Variants in GABRG3 observed in about 807,000 individuals in gnomAD.
GABRG3 encodes the protein gamma-aminobutyric acid receptor subunit gamma-3.
A neutral mutation model predicts 48.8 loss-of-function variants in GABRG3; 25 were observed. The observed-to-expected ratio is 0.51, with a 90% CI of 0.37 to 0.72. GABRG3 has a LOEUF of 0.72. Among genes scored for constraint, GABRG3 ranks in the 30% least tolerant of loss-of-function variants. GABRG3 has a pLI of 0.00. For missense variants in GABRG3, 394 were observed against 577.9 expected (o/e 0.68, Z 3.26); for synonymous variants, 227 against 217.6 (o/e 1.04, Z -0.38).
chr15:27,314,940 G>T (rs1422998426), intron 3 of GABRG3, among the ~76,000 whole-genome samples: 2 of 152,104 alleles, frequency 1.3e-5, no homozygotes, highest in Admixed American at 1.3e-4. Flanking sequence ...TGAGCATAAA[G>T]CCTCAATTAT....
intron 3 of GABRG3, among the ~76,000 whole-genome samples, chr15:27,032,850 G>A (rs1375634210): frequency 6.6e-6 from 1 of 152,148 alleles, no homozygotes; most frequent in East Asian, 1.9e-4. Flanking sequence ...TTGCCTCTCT[G>A]TAGGTCTGAG....
At chr15:27,020,709 G>C (rs1339712053) in intron 2 of GABRG3, among the ~76,000 whole-genome samples, 1 of 152,012 alleles carries the variant, frequency 6.6e-6, no homozygotes, top group African/African-American at 2.4e-5. Flanking sequence ...GAGCCACCGC[G>C]CCCGGCCTGT....
intron 3 of GABRG3, among the ~76,000 whole-genome samples, chr15:27,126,548 A>C (rs1348144237): frequency 6.6e-6 from 1 of 152,112 alleles, no homozygotes; most frequent in Non-Finnish European, 1.5e-5. Context: ...GGGGGAGGCC[A>C]TGGGTTTTCC....
intron 6 of GABRG3, among the ~76,000 whole-genome samples, chr15:27,505,016 T>C (rs1890729313): frequency 6.6e-6 from 1 of 152,196 alleles, no homozygotes; most frequent in African/African-American, 2.4e-5. Flanking sequence ...TAAACTACAG[T>C]CTCTATTCAG....
intron 6 of GABRG3, among the ~76,000 whole-genome samples, chr15:27,496,859 T>C (rs2150851931): frequency 6.6e-6 from 1 of 152,368 alleles, no homozygotes; most frequent in East Asian, 1.9e-4. Flanking sequence ...TGTTTATGCT[T>C]TGTCTCTGTT....
At chr15:27,317,387 C>G (rs112731501) in intron 3 of GABRG3, among the ~76,000 whole-genome samples, 1 of 152,162 alleles carries the variant, frequency 6.6e-6, no homozygotes, top group Non-Finnish European at 1.5e-5. Flanking sequence ...CCAATGTAGT[C>G]GTGGCCTTCT....
chr15:27,252,942 C>CT (rs1005668765), intron 3 of GABRG3, among the ~76,000 whole-genome samples: 2 of 152,358 alleles, frequency 1.3e-5, no homozygotes, highest in African/African-American at 4.8e-5. Flanking sequence ...TGACAGCTTA[C>CT]TTGAGGTCCA....
chr15:27,537,787 G>A lies in GABRG3; in HGVS notation c.*4906G>A, dbSNP rs1055182348. On this transcript the variant is annotated 3_prime_UTR_variant, in exon 10 of 10. Transcript: ENST00000615808. ...TGATCTAGTTGTATTAAGGCCAAAA[G>A]GCAGACTTTCTTTATATTTATTTTT... 6.6e-6 allele frequency: 1 copy of A among 150,844 alleles called. No homozygotes were observed. Among genetic ancestry groups the A allele is most frequent in the Non-Finnish European group, 1.5e-5 (1 of 67,728 alleles). The allele number at this position is 150,844 out of a possible 1,614,324, so 9.3% of individuals were successfully genotyped here. A position where few individuals can be genotyped will look rare whatever the true frequency, so the allele number is the denominator to read the frequency against.
At chr15:27,293,946 G>T in intron 3 of GABRG3, among the ~76,000 whole-genome samples, 1 of 152,230 alleles carries the variant, frequency 6.6e-6, no homozygotes, top group African/African-American at 2.4e-5. Context: ...AATAAGAAAA[G>T]TATAAGGTAT....
At chr15:27,165,190 G>A (rs184037731) in intron 3 of GABRG3, among the ~76,000 whole-genome samples, 29 of 152,104 alleles carry the variant, frequency 1.9e-4, no homozygotes, top group African/African-American at 7.0e-4. Flanking sequence ...TTTCCTTTTT[G>A]CCTGATATGA....
chr15:27,384,255 G>C (rs1309810111), intron 5 of GABRG3, among the ~76,000 whole-genome samples: 1 of 152,108 alleles, frequency 6.6e-6, no homozygotes, highest in African/African-American at 2.4e-5. Context: ...GATGGCTCAG[G>C]CTTCCAAGTT....
intron 5 of GABRG3, among the ~76,000 whole-genome samples, chr15:27,409,174 T>C (rs77693576): frequency 0.062 from 9,468 of 152,248 alleles, 320 homozygotes; most frequent in Middle Eastern, 0.13. Context: ...TACCTAAAAA[T>C]TCATTGTCTA....
intron 3 of GABRG3, among the ~76,000 whole-genome samples, chr15:27,085,833 T>C (rs1897066026): frequency 6.6e-6 from 1 of 152,220 alleles, no homozygotes; most frequent in Non-Finnish European, 1.5e-5. Context: ...CATATTATTT[T>C]AGTATACTGA....
rs140430697 is a variant in GABRG3, at chr15:27,400,418, C to T, written c.574+71530C>T. ...CAATTAATTTATCTGCTTTAAAATA[C>T]TGTCTTACAATGACTAAAATGCTGC... On this transcript the variant is annotated intron_variant, in intron 5 of 9. Transcript: ENST00000615808. Among the ~76,000 whole-genome samples, 322 of 152,340 alleles carry T rather than the reference C, an allele frequency of 2.1e-3. 4 individuals carry two copies. The highest frequency in any genetic ancestry group is 0.014 in the Admixed American group (220 of 15,298).
intron 6 of GABRG3, chr15:27,483,157 G>T (rs911738405): frequency 6.6e-6 from 1 of 152,162 alleles, no homozygotes; most frequent in African/African-American, 2.4e-5. Context: ...CAGAAACAAC[G>T]TGTTGTCTCT....
chr15:27,510,909 C>A (rs1296699749), intron 6 of GABRG3, among the ~76,000 whole-genome samples: 1 of 151,762 alleles, frequency 6.6e-6, no homozygotes, highest in African/African-American at 2.4e-5. Flanking sequence ...ATATTTTTTT[C>A]TTGCAGTGGT....
At chr15:27,040,190 G>A (rs770867968) in intron 3 of GABRG3, among the ~76,000 whole-genome samples, 6 of 152,234 alleles carry the variant, frequency 3.9e-5, no homozygotes, top group Admixed American at 6.5e-5. Flanking sequence ...TGCTGTGTTC[G>A]GGGTGGCCCA....
At chr15:27,163,042 G>A (rs983400739) in intron 3 of GABRG3, among the ~76,000 whole-genome samples, 1 of 151,764 alleles carries the variant, frequency 6.6e-6, no homozygotes, top group African/African-American at 2.4e-5. Context: ...ACCTCTTCTT[G>A]CCCTCGCCAG....
intron 3 of GABRG3, among the ~76,000 whole-genome samples, chr15:27,210,186 GTGGA>G (rs1889027696): frequency 6.6e-6 from 1 of 152,196 alleles, no homozygotes; most frequent in Non-Finnish European, 1.5e-5. Context: ...TCGGGTGAAT[GTGGA>G]CAGGCAGCCA....
Sources: gnomAD v4.1 joint callset for allele counts (sites outside exome capture counted in the v4.1 genomes callset) on GRCh38, gnomAD v4.1.1 for gene constraint, MANE v1.5 for transcripts, NCBI Gene and HGNC (gene_info 2026-07-23, HGNC 2026-07-21) for gene names.